PPM1H: variants seen among roughly 807,000 people sequenced by gnomAD.
The protein encoded by PPM1H is protein phosphatase, Mg2+/Mn2+ dependent 1H, also known as protein phosphatase 1H.
Under a neutral mutation model 54.9 loss-of-function variants are expected in PPM1H, and 27 were observed. The observed-to-expected ratio is 0.49, with a 90% CI of 0.36 to 0.68. The LOEUF is 0.68. Ranked by LOEUF, PPM1H falls within the 30% of genes least tolerant of loss-of-function variation. PPM1H has a pLI of 0.00. For synonymous variants in PPM1H, 305 were observed against 270.8 expected (o/e 1.13, Z -1.24); for missense variants, 596 against 667.8 (o/e 0.89, Z 1.19).
chr12:62,923,114 C>T lies in PPM1H; in HGVS notation c.245+11378G>A, dbSNP rs548993218. ...TCCATGCACAAGGACCCAATTGCTG[C>T]TGTTTTTCTCAACTGAGGATGTCAA... On this transcript the variant is annotated intron_variant, in intron 1 of 9. Coordinates refer to ENST00000228705, the MANE Select transcript of PPM1H (RefSeq NM_020700.2). 7.2e-5 allele frequency among the ~76,000 whole-genome samples: 11 copies of T among 152,278 alleles called. No homozygotes were observed. In the East Asian group the frequency reaches 1.9e-3, roughly 27 times the overall value.
At chr12:62,832,419 G>T in intron 1 of PPM1H, 140 bp from the exon 2 acceptor site, 2 of 752,650 alleles carry the variant, frequency 2.7e-6, no homozygotes, top group Non-Finnish European at 4.1e-6. Context: ...TTATGGTCTT[G>T]GTATTTTATG....
At chr12:62,886,590 A>G (rs1870598324) in intron 1 of PPM1H, among the ~76,000 whole-genome samples, 1 of 152,222 alleles carries the variant, frequency 6.6e-6, no homozygotes, top group African/African-American at 2.4e-5. Context: ...GCTGGCTGCA[A>G]GATGTTACCA....
chr12:62,757,124 G>A (rs553880121), intron 4 of PPM1H, among the ~76,000 whole-genome samples: 1 of 152,290 alleles, frequency 6.6e-6, no homozygotes, highest in East Asian at 1.9e-4. Context: ...GTCCTCGTGA[G>A]AAGCCTCAGT....
chr12:62,884,298 C>A (rs1369025780), intron 1 of PPM1H, among the ~76,000 whole-genome samples: 1 of 148,944 alleles, frequency 6.7e-6, no homozygotes, highest in Admixed American at 6.7e-5. Context: ...ACCAGCCTGG[C>A]CGACATGGTG....
At chr12:62,723,516 C>T (rs756619602) in intron 5 of PPM1H, among the ~76,000 whole-genome samples, 3 of 152,068 alleles carry the variant, frequency 2.0e-5, no homozygotes, top group Non-Finnish European at 4.4e-5. Context: ...GAAGGTAGAG[C>T]CCTCGTGAAT....
chr12:62,668,350 C>T (rs2075932445), intron 8 of PPM1H, among the ~76,000 whole-genome samples: 1 of 152,132 alleles, frequency 6.6e-6, no homozygotes, highest in African/African-American at 2.4e-5. Flanking sequence ...TAATCAATCC[C>T]CTTCAGCCTC....
intron 5 of PPM1H, among the ~76,000 whole-genome samples, chr12:62,730,373 C>T (rs1592567444): frequency 1.3e-5 from 2 of 152,196 alleles, no homozygotes; most frequent in African/African-American, 4.8e-5. Context: ...TGCTGGACCA[C>T]AGCACTTTCA....
intron 1 of PPM1H, among the ~76,000 whole-genome samples, chr12:62,869,719 G>A (rs932748960): frequency 6.6e-6 from 1 of 152,088 alleles, no homozygotes; most frequent in South Asian, 2.1e-4. Flanking sequence ...CCGTAACCTG[G>A]CCTGAAACCG....
chr12:62,657,806 T>C (rs1281837080), intron 9 of PPM1H, among the ~76,000 whole-genome samples: 1 of 152,068 alleles, frequency 6.6e-6, no homozygotes, highest in Non-Finnish European at 1.5e-5. Flanking sequence ...CTGTTGTCAG[T>C]GTTGGTGTTT....
chr12:62,697,828 C>T (rs1592549724), intron 6 of PPM1H, among the ~76,000 whole-genome samples: 1 of 151,872 alleles, frequency 6.6e-6, no homozygotes, highest in African/African-American at 2.4e-5. Flanking sequence ...TATGACTGAC[C>T]AGAGATTATA....
rs199771693 is a variant in PPM1H, at chr12:62,689,803, G to A, written c.1141C>T (p.Arg381Trp). ...GTCACTCCAATAGTTGCCATTACCC[G>A]GGCCTAGGAGTATAAGCAGAGGGTC... ...PLIYGEGKKARVMATIGVTRG... is the reference protein window; with the variant it reads ...PLIYGEGKKAWVMATIGVTRG... Residue 381 changes from arginine (R) to tryptophan (W), a missense_variant, in exon 8 of 10, where the codon CGG (arginine) becomes TGG (tryptophan). By Grantham distance (101) the Arg-to-Trp change is moderately radical. This residue lies in a region of PPM1H where 208 missense variants were observed against 259.5 expected (regional missense o/e 0.80). Transcript: ENST00000228705. The A allele has an allele frequency of 3.0e-5, 49 of 1,610,002 alleles. 1 individual carries two copies. Among genetic ancestry groups the A allele is most frequent in the South Asian group, 2.2e-5 (2 of 90,438 alleles).
rs190483041 is a variant in PPM1H at position 62,855,715 on chromosome 12, G to T, written c.246-23436C>A. 2.6e-5 allele frequency among the ~76,000 whole-genome samples: 4 copies of T among 152,272 alleles called. No homozygotes were observed. In the East Asian group the frequency reaches 7.7e-4, roughly 29 times the overall value. On this transcript the variant is annotated intron_variant, in intron 1 of 9. Coordinates refer to ENST00000228705, the MANE Select transcript of PPM1H (RefSeq NM_020700.2). ...AGGTCTCTGGGCCTGTGAATGAACT[G>T]TCAAGTGAAGAGTCAACAACTGAGT...
chr12:62,701,392 A>G (rs1462590627), intron 6 of PPM1H, among the ~76,000 whole-genome samples: 2 of 152,208 alleles, frequency 1.3e-5, no homozygotes, highest in Non-Finnish European at 2.9e-5. Flanking sequence ...AATGAGCAGC[A>G]GTTATAGGAC....
chr12:62,791,640 G>A (rs182716915), intron 3 of PPM1H, among the ~76,000 whole-genome samples: 27 of 152,260 alleles, frequency 1.8e-4, no homozygotes, highest in African/African-American at 5.3e-4. Context: ...ATTTGAAAAC[G>A]CCGGGCGTGG....
Position 62,907,283 on chromosome 12 carries a change from CCATGATCATTA to C in PPM1H, c.245+27198_245+27208del. On this transcript the variant is annotated intron_variant, in intron 1 of 9. Coordinates refer to ENST00000228705, the MANE Select transcript of PPM1H (RefSeq NM_020700.2). The stretch of plus-strand genomic sequence containing the variant: ...TGCCAGGCACTGCAGAGGGAGATTC[CCATGATCATTA>C]CATTTCATCATCACGAGTCTTGGGA... 1.3e-5 allele frequency among the ~76,000 whole-genome samples: 2 copies of C among 152,296 alleles called. 1 individual carries two copies. The highest frequency in any genetic ancestry group is 6.8e-3 in the Middle Eastern group (2 of 294).
intron 4 of PPM1H, among the ~76,000 whole-genome samples, chr12:62,743,006 A>G (rs981436844): frequency 1.3e-5 from 2 of 152,224 alleles, no homozygotes; most frequent in Non-Finnish European, 2.9e-5. Context: ...TGTTCTTATG[A>G]GTCAACCGCA....
rs147112140 is a variant in PPM1H at position 62,877,591 on chromosome 12, C to G, written c.246-45312G>C. Reference sequence around the variant, plus strand: ...CTCTCCATGAAATATATATGATTTTCCTCATTTTTGAGATGAAGCAAACCA... The same window carrying G: ...CTCTCCATGAAATATATATGATTTTGCTCATTTTTGAGATGAAGCAAACCA... On this transcript the variant is annotated intron_variant, in intron 1 of 9. Coordinates refer to ENST00000228705, the MANE Select transcript of PPM1H (RefSeq NM_020700.2). Among the ~76,000 whole-genome samples, 665 of 152,286 alleles carry G rather than the reference C, an allele frequency of 4.4e-3. 14 individuals carry two copies. The highest frequency in any genetic ancestry group is 0.015 in the African/African-American group (635 of 41,558).
intron 5 of PPM1H, among the ~76,000 whole-genome samples, chr12:62,735,085 A>G (rs1565772862): frequency 1.3e-5 from 2 of 152,198 alleles, no homozygotes; most frequent in African/African-American, 4.8e-5. Context: ...AGGATAGGAT[A>G]TAATAGAGGC....
At chr12:62,932,628 C>CTTTTCTTTTTTT (rs1872177284) in intron 1 of PPM1H, among the ~76,000 whole-genome samples, 1 of 54,012 alleles carries the variant, frequency 1.9e-5, no homozygotes, top group Non-Finnish European at 3.2e-5. Flanking sequence ...TCCAAATGGG[C>CTTTTCTTTTTTT]TTTTTTTTTT....
Sources: gnomAD v4.1 joint callset for allele counts (sites outside exome capture counted in the v4.1 genomes callset) on GRCh38, gnomAD v4.1.1 for gene constraint, gnomAD v4.1.1 regional missense constraint, MANE v1.5 for transcripts, NCBI Gene and HGNC (gene_info 2026-07-23, HGNC 2026-07-21) for gene names.